RPS10: variants seen among roughly 807,000 people sequenced by gnomAD.
The protein encoded by RPS10 is ribosomal protein S10, also known as small ribosomal subunit protein eS10.
Under a neutral mutation model 22.6 loss-of-function variants are expected in RPS10, and 2 were observed. The observed-to-expected ratio is 0.09, with a 90% CI of 0.04 to 0.28. RPS10 has a LOEUF of 0.28. RPS10 is among the 10% of genes least tolerant of loss of function. RPS10 has a pLI of 1.00. For synonymous variants in RPS10, 70 were observed against 75.9 expected (o/e 0.92, Z 0.40); for missense variants, 137 against 222.2 (o/e 0.62, Z 2.44).
intron 3 of RPS10, among the ~76,000 whole-genome samples, chr6:34,423,533 C>T (rs1163123418): frequency 6.6e-6 from 1 of 152,170 alleles, no homozygotes; most frequent in Non-Finnish European, 1.5e-5. Context: ...CACAGATAGG[C>T]ACTGGTATTT....
intron 3 of RPS10, 99 bp downstream of exon 3, chr6:34,424,570 C>G: frequency 6.6e-7 from 1 of 1,517,976 alleles, no homozygotes; most frequent in South Asian, 1.2e-5. Context: ...GCCTGCAGGC[C>G]AGAGCCCTCT....
At chr6:34,423,636 G>C (rs1253116194) in intron 3 of RPS10, among the ~76,000 whole-genome samples, 2 of 152,172 alleles carry the variant, frequency 1.3e-5, no homozygotes, top group Non-Finnish European at 2.9e-5. Context: ...TGTAATCCCA[G>C]CACTTTGGGA....
chr6:34,425,763 C>G (rs954734463), intron 1 of RPS10: 17 of 164,042 alleles, frequency 1.0e-4, no homozygotes, highest in Non-Finnish European at 8.1e-5. Flanking sequence ...AAGAAAAAAG[C>G]GTGTCGGTGG....
chr6:34,421,221 G>A (rs551391478), intron 4 of RPS10, among the ~76,000 whole-genome samples: 2 of 150,744 alleles, frequency 1.3e-5, no homozygotes, highest in East Asian at 2.0e-4. Context: ...TGCCCAGTGT[G>A]AGCCATAGAT....
chr6:34,420,907 C>A (rs927128966), intron 4 of RPS10, among the ~76,000 whole-genome samples: 1 of 151,298 alleles, frequency 6.6e-6, no homozygotes, highest in East Asian at 2.0e-4. Flanking sequence ...ACTCGGGAGG[C>A]TGAGGCAGGA....
At position 34,421,786 on chromosome 6, in the gene RPS10, G is replaced by A. The variant is rs774624551; in HGVS notation, c.344C>T (p.Ala115Val). 2.4e-5 allele frequency: 39 copies of A among 1,613,682 alleles called. No homozygotes were observed. Among genetic ancestry groups the A allele is most frequent in the South Asian group, 4.4e-5 (4 of 91,070 alleles). ...RPKGLEGERP[A>V]RLTRGEADRD... ...GTCAGCTTCCCCTCTTGTGAGTCTC[G>A]CAGGTCGCTCACCCTCCAGACCTAT... is the stretch of plus-strand genomic sequence containing the variant. The change falls in exon 4 of 6, where the codon GCG becomes GTG. Residue 115 changes from alanine (A) to valine (V), a missense_variant. Physicochemically the swap from Ala to Val is moderately conservative, Grantham distance 64. Transcript: ENST00000648437.
chr6:34,421,968 G>T (rs1447179509), intron 3 of RPS10, among the ~76,000 whole-genome samples, 161 bp from the exon 4 acceptor site: 2 of 148,932 alleles, frequency 1.3e-5, no homozygotes, highest in Admixed American at 6.8e-5. Flanking sequence ...ATGTCAGCTA[G>T]AAATAATTAT....
chr6:34,422,798 A>G (rs1581928736), intron 3 of RPS10, among the ~76,000 whole-genome samples: 1 of 150,378 alleles, frequency 6.6e-6, no homozygotes, highest in East Asian at 2.1e-4. Flanking sequence ...ATTATCATAA[A>G]TGGCCAGACG....
intron 4 of RPS10, among the ~76,000 whole-genome samples, chr6:34,421,097 GTTT>G (rs554380258): frequency 3.8e-5 from 5 of 132,022 alleles, no homozygotes; most frequent in East Asian, 4.8e-4. Flanking sequence ...TACCGAAGAG[GTTT>G]TTTTTTTTTT....
At chr6:34,424,542 T>G in intron 3 of RPS10, 127 bp downstream of exon 3, 2 of 1,305,156 alleles carry the variant, frequency 1.5e-6, no homozygotes, top group Non-Finnish European at 2.1e-6. Context: ...GGACAAAGGT[T>G]CTAGCACTTG....
intron 4 of RPS10, among the ~76,000 whole-genome samples, chr6:34,421,177 G>T: frequency 6.9e-6 from 1 of 143,898 alleles, no homozygotes; most frequent in Non-Finnish European, 1.5e-5. Context: ...AACCATATTT[G>T]TTATTGGCAT....
At chr6:34,417,647 C>T (rs1263452344) in intron 5 of RPS10, 100 bp from the exon 6 acceptor site, 1 of 1,093,098 alleles carries the variant, frequency 9.1e-7, no homozygotes, top group East Asian at 2.4e-5. Flanking sequence ...CAGAGGCCCC[C>T]AAATGTAAAC....
chr6:34,418,140 T>C (rs1765639452), intron 5 of RPS10: 2 of 1,454,788 alleles, frequency 1.4e-6, no homozygotes, highest in Admixed American at 2.6e-5. Flanking sequence ...CAGAAAATAC[T>C]AGTAGGCCAC....
rs759352522 is a variant in RPS10 at position 34,424,809 on chromosome 6, T to A, written c.182A>T (p.Gln61Leu). 1.2e-6 allele frequency: 2 copies of A among 1,614,088 alleles called. No homozygotes were observed. Residue 61 changes from glutamine (Q) to leucine (L), a missense_variant, in exon 3 of 6, where the codon CAG (glutamine) becomes CTG (leucine). Physicochemically the swap from Gln to Leu is moderately radical, Grantham distance 113. Transcript: ENST00000648437. ...SLKSRGYVKE[Q>L]FAWRHFYWYL... ...CCAGTAGAAATGTCTCCAGGCAAACTGTTCCTTCACGTAGCCTCGGGACTT... is the reference window on the plus strand; with the variant it reads ...CCAGTAGAAATGTCTCCAGGCAAACAGTTCCTTCACGTAGCCTCGGGACTT...
chr6:34,418,160 T>A lies in RPS10; in HGVS notation c.456+209A>T, dbSNP rs566645904. 13 of 1,478,142 alleles carry A rather than the reference T, an allele frequency of 8.8e-6. No homozygotes were observed. In the South Asian group the frequency reaches 1.4e-4, roughly 16 times the overall value. The allele number at this position is 1,478,142 out of a possible 1,614,324, so 91.6% of individuals were successfully genotyped here. ...AATACTAGTAGGCCACATGTACTGA[T>A]TTCTGAGACTCATTTCAGTAATTTA... On this transcript the variant is annotated intron_variant, in intron 5 of 5. Coordinates refer to ENST00000648437, the MANE Select transcript of RPS10 (RefSeq NM_001014.5).
In RPS10 at chr6:34,426,069, G is replaced by A. The variant is rs561202541; in HGVS notation, c.-38C>T. On this transcript the variant is annotated 5_prime_UTR_variant, in exon 1 of 6. Transcript: ENST00000648437. ...AGGGTCCGGTACCGGGGCTGGAAAG[G>A]AAGGAGCATGCGCGGTGCTGCGTCT... 3.3e-5 allele frequency: 5 copies of A among 152,466 alleles called. No individual in the cohort carries two copies. Among genetic ancestry groups the A allele is most frequent in the East Asian group, 1.9e-4 (1 of 5,174 alleles). 9.4% of individuals were successfully genotyped at this position (152,466 alleles called of 1,614,324 possible). A position where few individuals can be genotyped will look rare whatever the true frequency, so the allele number is the denominator to read the frequency against.
intron 5 of RPS10, 189 bp downstream of exon 5, chr6:34,418,180 A>T (rs1352729271): frequency 6.7e-7 from 1 of 1,494,792 alleles, no homozygotes; most frequent in African/African-American, 1.4e-5. Flanking sequence ...TCATTTCAGT[A>T]ATTTATGTAT....
chr6:34,424,440 G>A (rs1183195468), intron 3 of RPS10: 5 of 559,616 alleles, frequency 8.9e-6, no homozygotes, highest in Non-Finnish European at 1.6e-5. Flanking sequence ...TACAGGTGTG[G>A]GTGAAGAAAG....
chr6:34,421,124 GC>G (rs1765751714), intron 4 of RPS10, among the ~76,000 whole-genome samples: 1 of 124,800 alleles, frequency 8.0e-6, no homozygotes. Flanking sequence ...AGACAGTCTT[GC>G]TCTGTCACCC....
Sources: allele counts gnomAD v4.1 joint callset (sites outside exome capture counted in the v4.1 genomes callset), GRCh38; gene constraint gnomAD v4.1.1; transcripts MANE v1.5; gene names NCBI Gene and HGNC (gene_info 2026-07-23, HGNC 2026-07-21).